DEGS1: variants seen among roughly 807,000 people sequenced by gnomAD.
The protein encoded by DEGS1 is delta 4-desaturase, sphingolipid 1, also known as sphingolipid delta(4)-desaturase DES1.
Under a neutral mutation model 24.1 loss-of-function variants are expected in DEGS1, and 17 were observed. The ratio of observed to expected loss-of-function variants is 0.70; its 90% CI spans 0.48 to 1.06. The LOEUF is 1.06. Among genes scored for constraint, DEGS1 ranks in the 50% least tolerant of loss-of-function variants. The pLI is 0.00. For synonymous variants in DEGS1, 134 were observed against 140.0 expected (o/e 0.96, Z 0.30); for missense variants, 366 against 408.9 (o/e 0.90, Z 0.91).
chr1:224,183,414 C>A lies in DEGS1; in HGVS notation c.78C>A (p.Ile26=). The stretch of plus-strand genomic sequence containing the variant: ...CGCACGCCGACCGGCGCCGGGAGAT[C>A]CTGGGTGAGGGCCAGCGGGCGCCCC... ...DQPHADRRRE[I]LAKYPEIKSL... is the part of the protein sequence containing the mutation. The change falls in exon 1 of 3, where the codon ATC becomes ATA. Residue 26 remains isoleucine, a synonymous_variant. Transcript: ENST00000323699. The A allele has an allele frequency of 7.0e-7, 1 of 1,420,568 alleles. No homozygotes were observed. Among genetic ancestry groups the A allele is most frequent in the Non-Finnish European group, 9.3e-7 (1 of 1,077,014 alleles). 88.0% of individuals were successfully genotyped at this position (1,420,568 alleles called of 1,614,324 possible).
intron 1 of DEGS1, among the ~76,000 whole-genome samples, chr1:224,185,237 C>T (rs545512764): frequency 6.6e-6 from 1 of 152,186 alleles, no homozygotes; most frequent in East Asian, 1.9e-4. Flanking sequence ...GCAATCTGTC[C>T]GCTTTGGCCT....
In DEGS1 at chr1:224,189,906, G is replaced by C. The variant is rs1308668284; in HGVS notation, c.412G>C (p.Asp138His). The C allele has an allele frequency of 6.2e-7, 1 of 1,614,206 alleles. No homozygotes were observed. Among genetic ancestry groups the C allele is most frequent in the African/African-American group, 1.3e-5 (1 of 75,034 alleles). The change falls in exon 2 of 3, where the codon GAT (aspartate) becomes CAT (histidine). Residue 138 changes from aspartate to histidine, a missense_variant. Transcript: ENST00000323699. ...GGATCATCATCGGTACCTTGGAGCT[G>C]ATGGCGTCGATGTAGATATTCCTAC... ...HMDHHRYLGA[D>H]GVDVDIPTDF...
In DEGS1 at chr1:224,189,908, T is replaced by C; in HGVS notation, c.414T>C (p.Asp138=). ...ATCATCATCGGTACCTTGGAGCTGA[T>C]GGCGTCGATGTAGATATTCCTACCG... ...HMDHHRYLGA[D]GVDVDIPTDF... The change falls in exon 2 of 3, where the codon GAT becomes GAC. Residue 138 remains aspartate (D), a synonymous_variant. Transcript: ENST00000323699. The C allele has an allele frequency of 6.2e-7, 1 of 1,614,252 alleles. No individual in the cohort carries two copies. The highest frequency in any genetic ancestry group is 8.5e-7 in the Non-Finnish European group (1 of 1,180,044).
At position 224,190,029 on chromosome 1, in the gene DEGS1, C is replaced by G; in HGVS notation, c.535C>G (p.Pro179Ala). Residue 179 changes from proline to alanine, a missense_variant, in exon 2 of 3, where the codon CCC (proline) becomes GCC (alanine). By Grantham distance (27) the Pro-to-Ala change is conservative. Coordinates refer to ENST00000323699, the MANE Select transcript of DEGS1 (RefSeq NM_003676.4). ...TGCCTTTCGACCTCTGTTCATCAAC[C>G]CCAAACCAATTACGTATCTGGAAGT... The part of the protein sequence containing the change: ...FYAFRPLFIN[P>A]KPITYLEVIN... 6.2e-7 allele frequency: 1 copy of G among 1,614,180 alleles called. No individual in the cohort carries two copies. The highest frequency in any genetic ancestry group is 1.1e-5 in the South Asian group (1 of 91,078).
At chr1:224,184,746 C>T (rs1354684660) in intron 1 of DEGS1, among the ~76,000 whole-genome samples, 1 of 152,116 alleles carries the variant, frequency 6.6e-6, no homozygotes, top group Non-Finnish European at 1.5e-5. Flanking sequence ...GAACTCCTGA[C>T]CTCAGGTGAT....
chr1:224,189,466 TG>T (rs1658476635), intron 1 of DEGS1, 110 bp from the exon 2 acceptor site: 4 of 792,640 alleles, frequency 5.0e-6, no homozygotes, highest in Non-Finnish European at 7.7e-6. Flanking sequence ...AAAGGGAATA[TG>T]ATTTACAGAA....
rs58790626 is a variant in DEGS1 at position 224,184,970 on chromosome 1, T to TACAC, written c.82+1585_82+1588dup. ...AGTAACATAGTGAGAGCCCCCCGTT[T>TACAC]ACACACACACACACACACACACACA... On this transcript the variant is annotated intron_variant, in intron 1 of 2. Transcript: ENST00000323699. 9.6e-3 allele frequency among the ~76,000 whole-genome samples: 1,431 copies of TACAC among 148,670 alleles called. 8 individuals carry two copies. The highest frequency in any genetic ancestry group is 0.028 in the South Asian group (130 of 4,610).
chr1:224,185,621 C>A (rs1410738904), intron 1 of DEGS1, among the ~76,000 whole-genome samples: 1 of 152,190 alleles, frequency 6.6e-6, no homozygotes, highest in East Asian at 1.9e-4. Context: ...CTGCCCCAGT[C>A]TCCCGAGTAC....
In DEGS1 at chr1:224,192,540, A is replaced by G. The variant is rs1244718296; in HGVS notation, c.*62A>G. On this transcript the variant is annotated 3_prime_UTR_variant, in exon 3 of 3. Coordinates refer to ENST00000323699, the MANE Select transcript of DEGS1 (RefSeq NM_003676.4). Reference sequence around the variant, plus strand: ...TTAGATGATAAAATGGAATTTTTGCATTATTAAACTTGAGACCAGTGATGC... The same window carrying G: ...TTAGATGATAAAATGGAATTTTTGCGTTATTAAACTTGAGACCAGTGATGC... 2.0e-6 allele frequency: 3 copies of G among 1,527,340 alleles called. No individual in the cohort carries two copies. Among genetic ancestry groups the G allele is most frequent in the Admixed American group, 4.2e-5 (2 of 47,990 alleles). The allele number at this position is 1,527,340 out of a possible 1,614,324, so 94.6% of individuals were successfully genotyped here.
At chr1:224,187,124 A>G (rs1658414474) in intron 1 of DEGS1, among the ~76,000 whole-genome samples, 1 of 152,244 alleles carries the variant, frequency 6.6e-6, no homozygotes, top group East Asian at 1.9e-4. Flanking sequence ...TCTGGCCAAC[A>G]TGGTGAAACC....
chr1:224,189,576 G>C lies in DEGS1; in HGVS notation c.83-1G>C. 1 of 1,562,144 alleles carries C rather than the reference G, an allele frequency of 6.4e-7. No homozygotes were observed. The highest frequency in any genetic ancestry group is 1.4e-5 in the African/African-American group (1 of 72,476). ...CCTGTTTTTTTGTTTTTTCTTTACA[G>C]CAAAGTATCCAGAGATAAAGTCCTT... On this transcript the variant is annotated splice_acceptor_variant, in intron 1 of 2. Transcript: ENST00000323699. LOFTEE classifies it high-confidence loss of function.
At chr1:224,191,585 A>C (rs965873262) in intron 2 of DEGS1, among the ~76,000 whole-genome samples, 12 of 135,918 alleles carry the variant, frequency 8.8e-5, no homozygotes, top group African/African-American at 2.7e-4. Flanking sequence ...CACATTTGAT[A>C]AGTGCTTTTT....
At chr1:224,192,289 AGT>A (rs1658558007) in intron 2 of DEGS1, 41 bp from the exon 3 acceptor site, 1 of 1,581,490 alleles carries the variant, frequency 6.3e-7, no homozygotes, top group African/African-American at 1.4e-5. Flanking sequence ...GAAAGAACCT[AGT>A]AACACTCATT....
At chr1:224,184,063 T>C (rs1041607175) in intron 1 of DEGS1, among the ~76,000 whole-genome samples, 22 of 152,346 alleles carry the variant, frequency 1.4e-4, no homozygotes, top group African/African-American at 4.8e-4. Context: ...GCTTGTCCCA[T>C]TGATCCTCAC....
Position 224,190,237 on chromosome 1 carries a change from C to T in DEGS1, c.743C>T (p.Pro248Leu). The change falls in exon 2 of 3, where the codon CCT becomes CTT. Residue 248 changes from proline (P) to leucine (L), a missense_variant. Transcript: ENST00000323699. ...KGHETYSYYG[P>L]LNLLTFNVGY... ...CATGAAACTTACTCATATTATGGGC[C>T]TCTGAATTTACTTACCTTCAATGTG... The T allele has an allele frequency of 6.6e-7, 1 of 1,516,070 alleles. No homozygotes were observed. 93.9% of individuals were successfully genotyped at this position (1,516,070 alleles called of 1,614,324 possible).
chr1:224,183,397 G>T lies in DEGS1; in HGVS notation c.61G>T (p.Asp21Tyr). Residue 21 changes from aspartate to tyrosine, a missense_variant, in exon 1 of 3, where the codon GAC (aspartate) becomes TAC (tyrosine). By Grantham distance (160) the Asp-to-Tyr change is radical. Transcript: ENST00000323699. The stretch of plus-strand genomic sequence containing the variant: ...GGTCTACACCGACCAGCCGCACGCC[G>T]ACCGGCGCCGGGAGATCCTGGGTGA... ...EWVYTDQPHA[D>Y]RRREILAKYP... 1 of 1,430,912 alleles carries T rather than the reference G, an allele frequency of 7.0e-7. No homozygotes were observed. The highest frequency in any genetic ancestry group is 9.2e-7 in the Non-Finnish European group (1 of 1,082,506). 88.6% of individuals were successfully genotyped at this position (1,430,912 alleles called of 1,614,324 possible).
intron 1 of DEGS1, among the ~76,000 whole-genome samples, chr1:224,185,921 G>A (rs1322649309): frequency 6.6e-6 from 1 of 152,148 alleles, no homozygotes; most frequent in East Asian, 1.9e-4. Context: ...ATCAGGACGG[G>A]TGTGGTGGCT....
chr1:224,192,205 TAAGA>T, intron 2 of DEGS1, 123 bp from the exon 3 acceptor site: 1 of 694,996 alleles, frequency 1.4e-6, no homozygotes, highest in Middle Eastern at 3.3e-4. Context: ...TTTTTTTTTT[TAAGA>T]GAGAGGAGGG....
At position 224,183,422 on chromosome 1, in the gene DEGS1, AG is replaced by A; in HGVS notation, c.82+7del. On this transcript the variant is annotated splice_donor_5th_base_variant and intron_variant, in intron 1 of 2. Coordinates refer to ENST00000323699, the MANE Select transcript of DEGS1 (RefSeq NM_003676.4). ...GACCGGCGCCGGGAGATCCTGGGTG[AG>A]GGCCAGCGGGCGCCCCGTTATGTGC... 7.1e-7 allele frequency: 1 copy of A among 1,401,278 alleles called. No homozygotes were observed. Among genetic ancestry groups the A allele is most frequent in the Non-Finnish European group, 9.4e-7 (1 of 1,067,280 alleles). 86.8% of individuals were successfully genotyped at this position (1,401,278 alleles called of 1,614,324 possible). A position where few individuals can be genotyped will look rare whatever the true frequency, so the allele number is the denominator to read the frequency against.
Sources: gnomAD v4.1 joint callset for allele counts (sites outside exome capture counted in the v4.1 genomes callset) on GRCh38, gnomAD v4.1.1 for gene constraint, MANE v1.5 for transcripts, NCBI Gene and HGNC (gene_info 2026-07-23, HGNC 2026-07-21) for gene names.